Variants in FHIT observed in about 807,000 individuals in gnomAD.
FHIT encodes the protein fragile histidine triad diadenosine triphosphatase.
In FHIT, 19 loss-of-function variants were observed where a neutral mutation model predicts 17.9. The observed-to-expected ratio is 1.06, with a 90% confidence interval of 0.74 to 1.56. FHIT has a LOEUF of 1.56. Ranked by LOEUF, FHIT falls within the 40% of genes most tolerant of loss-of-function variation. FHIT has a pLI of 0.00. For missense variants in FHIT, 248 were observed against 189.2 expected (o/e 1.31, Z -1.82); for synonymous variants, 81 against 69.7 (o/e 1.16, Z -0.81).
intron 4 of FHIT, among the ~76,000 whole-genome samples, chr3:60,812,959 G>T (rs564094174): frequency 6.6e-6 from 1 of 152,120 alleles, no homozygotes; most frequent in Non-Finnish European, 1.5e-5. Context: ...GTAAGCAGGG[G>T]TTATGTTATG....
At chr3:59,987,399 T>C (rs958505258) in intron 7 of FHIT, among the ~76,000 whole-genome samples, 1 of 151,840 alleles carries the variant, frequency 6.6e-6, no homozygotes, top group African/African-American at 2.4e-5. Context: ...AGCAAATGTG[T>C]TTCTCTAAAG....
intron 7 of FHIT, among the ~76,000 whole-genome samples, chr3:59,977,094 G>T (rs1328740449): frequency 6.6e-6 from 1 of 152,088 alleles, no homozygotes; most frequent in African/African-American, 2.4e-5. Flanking sequence ...CCCTTCCTTA[G>T]CTGATCAGAG....
rs369279400 is a variant in FHIT at position 60,852,244 on chromosome 3, C to T, written c.-110-30233G>A. Among the ~76,000 whole-genome samples, 39 of 152,224 alleles carry T rather than the reference C, an allele frequency of 2.6e-4. No homozygotes were observed. The South Asian group carries it at 7.7e-3, about 30-fold the overall frequency. On this transcript the variant is annotated intron_variant, in intron 3 of 9. Coordinates refer to ENST00000492590, the MANE Select transcript of FHIT (RefSeq NM_002012.4). ...GACTCTAACTGAAACACTGGCTCTT[C>T]CTGGGTCTCAAGCCTGTTGATCATT... is the stretch of plus-strand genomic sequence containing the variant.
intron 3 of FHIT, among the ~76,000 whole-genome samples, chr3:60,962,241 G>C (rs192876520): frequency 5.3e-5 from 8 of 152,030 alleles, no homozygotes; most frequent in Non-Finnish European, 7.4e-5. Context: ...GTCTGTTATT[G>C]GTGTATAAGA....
rs140217374 is a variant in FHIT, at chr3:60,001,277, T to C, written c.279+10094A>G. Among the ~76,000 whole-genome samples the C allele has an allele frequency of 3.9e-5, 6 of 152,202 alleles. No homozygotes were observed. In the East Asian group the frequency reaches 5.8e-4, roughly 15 times the overall value. On this transcript the variant is annotated intron_variant, in intron 7 of 9. Coordinates refer to ENST00000492590, the MANE Select transcript of FHIT (RefSeq NM_002012.4). ...ATAGTAGGCACTCAATAAACACTTA[T>C]TGGAGTAATATGTTAATATTAACTA...
rs562316896 is a variant in FHIT at position 60,252,946 on chromosome 3, C to T, written c.104-238794G>A. ...CCAGGAGGCAGAGCTTGCAGTGAGCCGAGATAGCGCCACTGCACTCCAGCC... is the reference window on the plus strand; with the variant it reads ...CCAGGAGGCAGAGCTTGCAGTGAGCTGAGATAGCGCCACTGCACTCCAGCC... On this transcript the variant is annotated intron_variant, in intron 5 of 9. Coordinates refer to ENST00000492590, the MANE Select transcript of FHIT (RefSeq NM_002012.4). Among the ~76,000 whole-genome samples, 33 of 151,896 alleles carry T rather than the reference C, an allele frequency of 2.2e-4. No individual in the cohort carries two copies. In the East Asian group the frequency reaches 4.9e-3, roughly 22 times the overall value.
chr3:61,187,021 C>T lies in FHIT; in HGVS notation c.-164+13596G>A, dbSNP rs574624968. ...TTGGTTTACTAGTTCTGATCTGTCT[C>T]CTTCCCTAGGGCATAAAATAATCTG... On this transcript the variant is annotated intron_variant, in intron 2 of 9. Transcript: ENST00000492590. Among the ~76,000 whole-genome samples the T allele has an allele frequency of 2.1e-4, 32 of 152,174 alleles. 1 individual carries two copies. The highest frequency in any genetic ancestry group is 7.9e-4 in the Admixed American group (12 of 15,266).
chr3:61,218,660 A>C (rs1392791671), intron 1 of FHIT, among the ~76,000 whole-genome samples: 2 of 152,202 alleles, frequency 1.3e-5, no homozygotes, highest in African/African-American at 4.8e-5. Context: ...GGTTCCTGAG[A>C]AGGTTGAAAG....
At chr3:60,738,422 A>G (rs561347465) in intron 4 of FHIT, among the ~76,000 whole-genome samples, 2 of 152,284 alleles carry the variant, frequency 1.3e-5, no homozygotes, top group East Asian at 3.9e-4. Flanking sequence ...AAGCCGAGGG[A>G]CTTTCTGCAG....
rs1177634067 is a variant in FHIT at position 60,929,313 on chromosome 3, G to GC, written c.-110-107303dup. Among the ~76,000 whole-genome samples, 251 of 152,262 alleles carry GC rather than the reference G, an allele frequency of 1.6e-3. 1 individual carries two copies. Among genetic ancestry groups the GC allele is most frequent in the African/African-American group, 5.8e-3 (239 of 41,532 alleles). ...TTGAAAACTGGCACAAGACAGGGAT[G>GC]CCCTCTCTCACCACTCCTATTCAAC... On this transcript the variant is annotated intron_variant, in intron 3 of 9. Coordinates refer to ENST00000492590, the MANE Select transcript of FHIT (RefSeq NM_002012.4).
At chr3:60,640,454 A>T (rs536686979) in intron 4 of FHIT, among the ~76,000 whole-genome samples, 1 of 152,308 alleles carries the variant, frequency 6.6e-6, no homozygotes, top group African/African-American at 2.4e-5. Flanking sequence ...GTGAACAGGA[A>T]ATTTCTGGGT....
rs781608497 is a variant in FHIT, at chr3:60,009,163, T to TTG, written c.279+2207_279+2208insCA. Among the ~76,000 whole-genome samples the TTG allele has an allele frequency of 6.0e-3, 768 of 128,860 alleles. 63 individuals are homozygous for TTG. The highest frequency in any genetic ancestry group is 0.031 in the East Asian group (120 of 3,902). 84.5% of individuals were successfully genotyped at this position (128,860 alleles called of 152,430 possible). A position where few individuals can be genotyped will look rare whatever the true frequency, so the allele number is the denominator to read the frequency against. ...GGAACCTTCATTGTTCTCTGGGATT[T>TTG]TATGTGTGTGTGTGTGTGTGTGTGT... is the stretch of plus-strand genomic sequence containing the variant. On this transcript the variant is annotated intron_variant, in intron 7 of 9. Transcript: ENST00000492590.
At chr3:60,281,258 T>C (rs1482444521) in intron 5 of FHIT, among the ~76,000 whole-genome samples, 1 of 152,180 alleles carries the variant, frequency 6.6e-6, no homozygotes, top group East Asian at 1.9e-4. Context: ...CTGTTATCGG[T>C]TCTTCCCAAC....
At chr3:60,335,662 C>T (rs531544825) in intron 5 of FHIT, among the ~76,000 whole-genome samples, 2 of 152,212 alleles carry the variant, frequency 1.3e-5, no homozygotes, top group African/African-American at 4.8e-5. Context: ...TTCAAAGACT[C>T]AGCACACACA....
chr3:61,216,992 TG>T (rs1004564839), intron 1 of FHIT, among the ~76,000 whole-genome samples: 2 of 68,788 alleles, frequency 2.9e-5, no homozygotes, highest in African/African-American at 1.2e-4. Flanking sequence ...TGGGGACTGT[TG>T]TGGGGTAGGG....
chr3:61,047,331 G>C (rs1040229623), intron 2 of FHIT, among the ~76,000 whole-genome samples: 4 of 151,946 alleles, frequency 2.6e-5, no homozygotes, highest in African/African-American at 4.8e-5. Context: ...TTCCTATACA[G>C]CAATAACAGA....
At chr3:60,250,367 C>A (rs1309686705) in intron 5 of FHIT, among the ~76,000 whole-genome samples, 1 of 152,144 alleles carries the variant, frequency 6.6e-6, no homozygotes, top group Non-Finnish European at 1.5e-5. Flanking sequence ...TTTTTTACCT[C>A]ATATACTGAC....
intron 5 of FHIT, among the ~76,000 whole-genome samples, chr3:60,294,706 T>C (rs746782289): frequency 3.9e-5 from 6 of 152,140 alleles, no homozygotes; most frequent in Non-Finnish European, 7.4e-5. Context: ...CCTCTAACCA[T>C]CCTTAATCAC....
intron 7 of FHIT, among the ~76,000 whole-genome samples, chr3:59,954,021 G>T (rs1402830766): frequency 6.6e-6 from 1 of 152,186 alleles, no homozygotes; most frequent in Admixed American, 6.5e-5. Context: ...TTGTATTCCA[G>T]TGTTAATGCT....
Sources: allele counts gnomAD v4.1 joint callset (sites outside exome capture counted in the v4.1 genomes callset), GRCh38; gene constraint gnomAD v4.1.1; transcripts MANE v1.5; gene names NCBI Gene and HGNC (gene_info 2026-07-23, HGNC 2026-07-21).